The following HGS variants were observed in gnomAD, a reference collection of about 807,000 sequenced individuals.
The protein encoded by HGS is human growth factor-regulated tyrosine kinase substrate.
In HGS, 63 loss-of-function variants were observed where a neutral mutation model predicts 109.7. That is an observed-to-expected ratio of 0.57 (90% CI 0.47 to 0.71). HGS has a LOEUF of 0.71. Ranked by LOEUF, HGS falls within the 30% of genes least tolerant of loss-of-function variation. The pLI, the probability that HGS is intolerant of heterozygous loss-of-function variation, is 0.00. For synonymous variants in HGS, 546 were observed against 437.3 expected (o/e 1.25, Z -3.10); for missense variants, 995 against 1,068.3 (o/e 0.93, Z 0.96).
At chr17:81,696,154 G>A (rs1382277486) in intron 15 of HGS, 155 bp downstream of exon 15, 22 of 909,034 alleles carry the variant, frequency 2.4e-5, no homozygotes, top group Non-Finnish European at 3.5e-5. Flanking sequence ...GGTGGTCTCA[G>A]TGATGACCAT....
intron 11 of HGS, 116 bp from the exon 12 acceptor site, chr17:81,694,699 G>T (rs559814684): frequency 5.6e-6 from 7 of 1,242,926 alleles, no homozygotes; most frequent in Non-Finnish European, 8.2e-6. Flanking sequence ...GGGCACGGAG[G>T]GAGGGCCCAG....
chr17:81,685,749 G>T, intron 2 of HGS, 60 bp downstream of exon 2: 35 of 1,365,646 alleles, frequency 2.6e-5, no homozygotes, highest in Non-Finnish European at 3.4e-5. Flanking sequence ...AGCTGGGCTC[G>T]CTTGGTGCCC....
chr17:81,694,965 G>C lies in HGS; in HGVS notation c.1017G>C (p.Gln339His). ...ACCGGAACTACTGGGAGAAGAAGCA[G>C]GAGGAGGCTCGCAAGAGCCCCACGC... The part of the protein sequence containing the change: ...YLNRNYWEKK[Q>H]EEARKSPTPS... Residue 339 changes from glutamine (Q) to histidine (H), a missense_variant, in exon 13 of 22, where the codon CAG becomes CAC. By Grantham distance (24) the Gln-to-His change is conservative (BLOSUM62 0). This residue lies in a region of HGS where 300 missense variants were observed against 235.4 expected (regional missense o/e 1.27). Coordinates refer to ENST00000329138, the MANE Select transcript of HGS (RefSeq NM_004712.5). 6.2e-7 allele frequency: 1 copy of C among 1,614,174 alleles called. No homozygotes were observed.
rs762599320 is a variant in HGS at position 81,696,868 on chromosome 17, G to T, written c.1752G>T (p.Ser584=). 10 of 1,610,850 alleles carry T rather than the reference G, an allele frequency of 6.2e-6. No homozygotes were observed. The East Asian group carries it at 1.8e-4, about 29-fold the overall frequency. ...CCGGAGGTGTGCTCTACCAGCCCTCGGGACCAGCCAGCTTCCCCAGCACCT... is the reference window on the plus strand; with the variant it reads ...CCGGAGGTGTGCTCTACCAGCCCTCTGGACCAGCCAGCTTCCCCAGCACCT... ...PAAGGVLYQP[S]GPASFPSTFS... is the part of the protein sequence containing the mutation. Residue 584 remains serine (S), a synonymous_variant, in exon 18 of 22, where the codon TCG becomes TCT. Transcript: ENST00000329138.
At chr17:81,689,260 G>A (rs2037028512) in intron 5 of HGS, among the ~76,000 whole-genome samples, 1 of 152,230 alleles carries the variant, frequency 6.6e-6, no homozygotes, top group Non-Finnish European at 1.5e-5. Flanking sequence ...CAGAAAGGTG[G>A]CCAGCGTGCC....
chr17:81,701,223 G>A, intron 21 of HGS, 92 bp downstream of exon 21: 1 of 1,144,320 alleles, frequency 8.7e-7, no homozygotes, highest in Non-Finnish European at 1.3e-6. Context: ...AGTGGGGATT[G>A]TCCCGTACGT....
chr17:81,692,569 G>A (rs1598746656), intron 8 of HGS: 1 of 152,300 alleles, frequency 6.6e-6, no homozygotes, highest in Non-Finnish European at 1.5e-5. Context: ...TCTGCTGTGA[G>A]CCAGCGGCTC....
Position 81,691,666 on chromosome 17 carries a change from C to A in HGS, c.662+95C>A. Reference sequence around the variant, plus strand: ...GGCCATGGTGCCTGAGGCCTGCAGACCCCAGAGGACCCTCACAGCACAGCA... The same window carrying A: ...GGCCATGGTGCCTGAGGCCTGCAGAACCCAGAGGACCCTCACAGCACAGCA... On this transcript the variant is annotated intron_variant, in intron 8 of 21. Coordinates refer to ENST00000329138, the MANE Select transcript of HGS (RefSeq NM_004712.5). The surrounding 1 kb of genome is among the most constrained non-coding windows in gnomAD (Gnocchi z 5.3). The A allele has an allele frequency of 1.4e-6, 2 of 1,475,738 alleles. No homozygotes were observed. Among genetic ancestry groups the A allele is most frequent in the East Asian group, 2.3e-5 (1 of 43,728 alleles). 91.4% of individuals were successfully genotyped at this position (1,475,738 alleles called of 1,614,324 possible).
rs2037243291 is a variant in HGS at position 81,701,861 on chromosome 17, G to A, written c.*243G>A. ...GGGAGGGAAGGACTTTCTCCCAGGGGAAGCCCCCAGCCCTGTGGGTCATGG... is the reference window on the plus strand; with the variant it reads ...GGGAGGGAAGGACTTTCTCCCAGGGAAAGCCCCCAGCCCTGTGGGTCATGG... On this transcript the variant is annotated 3_prime_UTR_variant, in exon 22 of 22. Transcript: ENST00000329138. 3.9e-6 allele frequency: 2 copies of A among 507,560 alleles called. No homozygotes were observed. Among genetic ancestry groups the A allele is most frequent in the African/African-American group, 2.0e-5 (1 of 50,816 alleles). The allele number at this position is 507,560 out of a possible 1,614,324, so 31.4% of individuals were successfully genotyped here.
Position 81,695,804 on chromosome 17 carries a change from G to T in HGS, c.1198G>T (p.Glu400Ter). Residue 400 changes from glutamate (E) to a stop codon, truncating the protein, a stop_gained, in exon 15 of 22, where the codon GAG becomes TAG. Transcript: ENST00000329138. LOFTEE classifies it high-confidence loss of function. Reference protein sequence around the residue: ...PFSEPQFHNGESEESHEQFLK... With the variant: ...PFSEPQFHNG ...CCTGCAGCCACAGTTCCACAATGGC[G>T]AGTCTGAGGAGAGCCACGAGCAGTT... 6.2e-7 allele frequency: 1 copy of T among 1,613,456 alleles called. No homozygotes were observed. The highest frequency in any genetic ancestry group is 8.5e-7 in the Non-Finnish European group (1 of 1,180,010).
At chr17:81,699,323 C>G (rs1371825212) in intron 18 of HGS, among the ~76,000 whole-genome samples, 2 of 152,246 alleles carry the variant, frequency 1.3e-5, no homozygotes, top group Non-Finnish European at 2.9e-5. Context: ...TACTGGAATT[C>G]ACTATCCCAT....
chr17:81,691,818 G>A lies in HGS; in HGVS notation c.662+247G>A, dbSNP rs561695585. Reference sequence around the variant, plus strand: ...CCGAGGCTGCCCCGACAAACCTGTTGCTTGGGTTTGGGTTTGGGTTTGTTT... The same window carrying A: ...CCGAGGCTGCCCCGACAAACCTGTTACTTGGGTTTGGGTTTGGGTTTGTTT... On this transcript the variant is annotated intron_variant, in intron 8 of 21. Transcript: ENST00000329138. The surrounding 1 kb of genome is among the most constrained non-coding windows in gnomAD (Gnocchi z 5.3). 5 of 447,560 alleles carry A rather than the reference G, an allele frequency of 1.1e-5. No homozygotes were observed. The highest frequency in any genetic ancestry group is 6.9e-5 in the Admixed American group (2 of 29,150). 27.7% of individuals were successfully genotyped at this position (447,560 alleles called of 1,614,324 possible). A position where few individuals can be genotyped will look rare whatever the true frequency, so the allele number is the denominator to read the frequency against.
At position 81,693,159 on chromosome 17, in the gene HGS, T is replaced by C. The variant is rs528199195; in HGVS notation, c.663-344T>C. 2.8e-5 allele frequency: 8 copies of C among 287,726 alleles called. No individual in the cohort carries two copies. In the South Asian group the frequency reaches 8.1e-4, roughly 29 times the overall value. 17.8% of individuals were successfully genotyped at this position (287,726 alleles called of 1,614,324 possible). On this transcript the variant is annotated intron_variant, in intron 8 of 21. Coordinates refer to ENST00000329138, the MANE Select transcript of HGS (RefSeq NM_004712.5). ...TGACAGTCACTGACCTGTTTGCCCC[T>C]TCTTGGGTGGGGCCCGTCCCACAGT...
chr17:81,693,441 G>A (rs2037094776), intron 8 of HGS, 62 bp from the exon 9 acceptor site: 1 of 1,284,242 alleles, frequency 7.8e-7, no homozygotes, highest in South Asian at 1.2e-5. Context: ...GTGGTTGAGA[G>A]CTTTGGCGGG....
chr17:81,687,233 C>T (rs758648917), intron 4 of HGS, 138 bp downstream of exon 4: 32 of 659,486 alleles, frequency 4.9e-5, no homozygotes, highest in Middle Eastern at 3.9e-4. Context: ...CCCTGCACTG[C>T]GCAAGCTCGC....
intron 18 of HGS, 96 bp from the exon 19 acceptor site, chr17:81,700,367 CAAAA>C (rs367982845): frequency 1.4e-3 from 1,305 of 955,034 alleles, no homozygotes; most frequent in South Asian, 3.4e-3. Context: ...GACTCCATCT[CAAAA>C]AAAAAAAAAA....
intron 18 of HGS, chr17:81,697,694 G>A (rs906772216): frequency 1.3e-5 from 2 of 152,240 alleles, no homozygotes; most frequent in Non-Finnish European, 1.5e-5. Flanking sequence ...AATGTTGCCT[G>A]TGTTTATTAC....
chr17:81,701,164 C>T (rs778296961), intron 21 of HGS, 33 bp downstream of exon 21: 20 of 1,568,058 alleles, frequency 1.3e-5, no homozygotes, highest in East Asian at 2.2e-5. Flanking sequence ...CAGCGGCACC[C>T]GCAGGGCACC....
At chr17:81,688,565 C>A in intron 4 of HGS, 139 bp from the exon 5 acceptor site, 1 of 1,039,224 alleles carries the variant, frequency 9.6e-7, no homozygotes, top group African/African-American at 1.6e-5. Context: ...GGCCCCCACG[C>A]CCCACTCGGG....
Sources: gnomAD v4.1 joint callset for allele counts (sites outside exome capture counted in the v4.1 genomes callset) on GRCh38, gnomAD v4.1.1 for gene constraint, gnomAD v4.1.1 regional missense constraint, Gnocchi (gnomAD v3.1) non-coding constraint, MANE v1.5 for transcripts, NCBI Gene and HGNC (gene_info 2026-07-23, HGNC 2026-07-21) for gene names.